The following OXR1 variants were observed in gnomAD, a reference collection of about 807,000 sequenced individuals.
OXR1 encodes the protein oxidation resistance protein 1.
A neutral mutation model predicts 104.6 loss-of-function variants in OXR1; 41 were observed. The ratio of observed to expected loss-of-function variants is 0.39; its 90% CI spans 0.31 to 0.51. The LOEUF is 0.51. Among genes scored for constraint, OXR1 ranks in the 20% least tolerant of loss-of-function variants. OXR1 has a pLI of 0.77. For missense variants in OXR1, 955 were observed against 1,031.9 expected, an observed-to-expected ratio of 0.93 and a Z score of 1.02; for synonymous variants, 348 against 348.4, an observed-to-expected ratio of 1.00 and a Z score of 0.01.
At chr8:106,327,612 G>C (rs1369899580) in intron 1 of OXR1, among the ~76,000 whole-genome samples, 1 of 152,132 alleles carries the variant, frequency 6.6e-6, no homozygotes, top group Non-Finnish European at 1.5e-5. Context: ...TTTAAATGTT[G>C]CTGAAATTTT....
At chr8:106,404,705 CCTTG>C (rs568765535) in intron 2 of OXR1, among the ~76,000 whole-genome samples, 51 of 151,380 alleles carry the variant, frequency 3.4e-4, no homozygotes, top group Admixed American at 9.9e-4. Context: ...TCGCTCAGCT[CCTTG>C]CTTATTTTTT....
intron 2 of OXR1, among the ~76,000 whole-genome samples, chr8:106,487,018 A>G (rs1810703708): frequency 6.8e-6 from 1 of 147,084 alleles, no homozygotes; most frequent in African/African-American, 2.6e-5. Context: ...ATTAATCCAG[A>G]CACTTTTTTT....
chr8:106,736,931 T>C (rs1446473003), intron 11 of OXR1, among the ~76,000 whole-genome samples: 1 of 152,210 alleles, frequency 6.6e-6, no homozygotes, highest in Non-Finnish European at 1.5e-5. Flanking sequence ...TTAGACATAC[T>C]TTTGAAAATC....
intron 9 of OXR1, among the ~76,000 whole-genome samples, chr8:106,708,406 A>G (rs1831360007): frequency 6.6e-6 from 1 of 152,120 alleles, no homozygotes; most frequent in South Asian, 2.1e-4. Context: ...CTCAAACAAA[A>G]AAATAAAAAA....
At chr8:106,737,311 A>G (rs1834470498) in intron 11 of OXR1, among the ~76,000 whole-genome samples, 1 of 152,096 alleles carries the variant, frequency 6.6e-6, no homozygotes, top group South Asian at 2.1e-4. Context: ...CATACCAACT[A>G]GTTGGATGTA....
In OXR1 at chr8:106,684,251, G is replaced by C; in HGVS notation, c.417G>C (p.Leu139=). 6.5e-7 allele frequency: 1 copy of C among 1,545,718 alleles called. No homozygotes were observed. Among genetic ancestry groups the C allele is most frequent in the Non-Finnish European group, 8.9e-7 (1 of 1,118,948 alleles). The change falls in exon 6 of 17, where the codon CTG becomes CTC. Residue 139 remains leucine, a synonymous_variant. Coordinates refer to ENST00000517566, the MANE Select transcript of OXR1 (RefSeq NM_001198533.2). Reference sequence around the variant, plus strand: ...GTGTGAATGTTTTCTTACAGGTTCTGTATGTTCCTGATCCTGAATATGTCT... The same window carrying C: ...GTGTGAATGTTTTCTTACAGGTTCTCTATGTTCCTGATCCTGAATATGTCT... ...FSRAVVTGQV[L]YVPDPEYVSS...
At chr8:106,749,774 C>T (rs1395559921) in intron 16 of OXR1, among the ~76,000 whole-genome samples, 1 of 151,998 alleles carries the variant, frequency 6.6e-6, no homozygotes, top group Non-Finnish European at 1.5e-5. Context: ...AGTCTTTGCC[C>T]CCTCTCCTCT....
chr8:106,669,713 G>A (rs1826734333), intron 3 of OXR1, among the ~76,000 whole-genome samples: 1 of 152,080 alleles, frequency 6.6e-6, no homozygotes, highest in South Asian at 2.1e-4. Context: ...GTTATTATAG[G>A]AGTCTTTTAT....
intron 1 of OXR1, among the ~76,000 whole-genome samples, chr8:106,302,465 A>G (rs1813278922): frequency 6.6e-6 from 1 of 151,664 alleles, no homozygotes; most frequent in African/African-American, 2.4e-5. Context: ...GGGCACCTGT[A>G]GTCCCAGCTA....
chr8:106,582,660 A>T (rs1818337135), intron 3 of OXR1, among the ~76,000 whole-genome samples: 1 of 152,166 alleles, frequency 6.6e-6, no homozygotes, highest in Non-Finnish European at 1.5e-5. Context: ...CACCCACCAC[A>T]TTTTATAAAG....
At chr8:106,533,771 A>G (rs1288941398) in intron 3 of OXR1, among the ~76,000 whole-genome samples, 4 of 149,962 alleles carry the variant, frequency 2.7e-5, no homozygotes, top group African/African-American at 4.9e-5. Flanking sequence ...CTGGAGTACA[A>G]TGGCACAATC....
At chr8:106,486,714 C>G (rs879449641) in intron 2 of OXR1, among the ~76,000 whole-genome samples, 1 of 151,768 alleles carries the variant, frequency 6.6e-6, no homozygotes, top group Non-Finnish European at 1.5e-5. Context: ...CATTTATATT[C>G]CTGTTTAATT....
chr8:106,478,741 A>T (rs1013945788), intron 2 of OXR1, among the ~76,000 whole-genome samples: 1 of 151,802 alleles, frequency 6.6e-6, no homozygotes, highest in African/African-American at 2.4e-5. Flanking sequence ...AATTTGTACT[A>T]TTATTTAATT....
chr8:106,446,257 T>C (rs1820006769), intron 2 of OXR1, among the ~76,000 whole-genome samples: 1 of 152,190 alleles, frequency 6.6e-6, no homozygotes, highest in African/African-American at 2.4e-5. Context: ...AGTTAAGGTG[T>C]GGAAATACCC....
chr8:106,466,586 T>C (rs1226473967), intron 2 of OXR1, among the ~76,000 whole-genome samples: 1 of 151,318 alleles, frequency 6.6e-6, no homozygotes, highest in Non-Finnish European at 1.5e-5. Flanking sequence ...CAATCCAGTT[T>C]ACATTTATTG....
At chr8:106,714,600 C>T (rs1410129047) in intron 11 of OXR1, among the ~76,000 whole-genome samples, 1 of 152,010 alleles carries the variant, frequency 6.6e-6, no homozygotes, top group Non-Finnish European at 1.5e-5. Context: ...CTTTTTGTAA[C>T]TCCTCTTAGA....
chr8:106,406,093 G>A (rs889601399), intron 2 of OXR1, among the ~76,000 whole-genome samples: 1 of 152,052 alleles, frequency 6.6e-6, no homozygotes, highest in Non-Finnish European at 1.5e-5. Flanking sequence ...GAACATACTT[G>A]GGATTCTCCT....
chr8:106,301,012 A>G lies in OXR1; in HGVS notation c.-139+30645A>G, dbSNP rs145048910. ...GAATATTTCAGAGTGACTCAAACCC[A>G]TATGTTTTAAAATGTGACAATTTTA... On this transcript the variant is annotated intron_variant, in intron 1 of 16. Coordinates refer to ENST00000517566, the MANE Select transcript of OXR1 (RefSeq NM_001198533.2). Among the ~76,000 whole-genome samples the G allele has an allele frequency of 2.7e-3, 413 of 152,324 alleles. 2 individuals are homozygous for G. Among genetic ancestry groups the G allele is most frequent in the African/African-American group, 9.6e-3 (401 of 41,580 alleles).
chr8:106,481,769 A>G (rs1822130139), intron 2 of OXR1, among the ~76,000 whole-genome samples: 1 of 152,054 alleles, frequency 6.6e-6, no homozygotes, highest in African/African-American at 2.4e-5. Context: ...TCATAGTTTG[A>G]TTCCTACTAG....
Sources: allele counts gnomAD v4.1 joint callset (sites outside exome capture counted in the v4.1 genomes callset), GRCh38; gene constraint gnomAD v4.1.1; transcripts MANE v1.5; gene names NCBI Gene and HGNC (gene_info 2026-07-23, HGNC 2026-07-21).